EHBP1: variants seen among roughly 807,000 people sequenced by gnomAD.
The protein encoded by EHBP1 is EH domain binding protein 1.
A neutral mutation model predicts 144.0 loss-of-function variants in EHBP1; 55 were observed. That is an observed-to-expected ratio of 0.38 (90% confidence interval 0.31 to 0.48). EHBP1 has a LOEUF of 0.48. Among genes scored for constraint, EHBP1 ranks in the 20% least tolerant of loss-of-function variants. EHBP1 has a pLI of 0.98. For synonymous variants in EHBP1, 469 were observed against 472.7 expected (o/e 0.99, Z 0.10); for missense variants, 1,200 against 1,364.2 (o/e 0.88, Z 1.90).
chr2:62,901,975 AAAG>A (rs1333175683), intron 10 of EHBP1, among the ~76,000 whole-genome samples: 1 of 152,126 alleles, frequency 6.6e-6, no homozygotes, highest in Admixed American at 6.5e-5. Context: ...AAAAAAAAAA[AAAG>A]AAAATTCAGC....
chr2:62,691,903 C>G (rs972033775), intron 1 of EHBP1, among the ~76,000 whole-genome samples: 88 of 152,104 alleles, frequency 5.8e-4, no homozygotes, highest in Non-Finnish European at 2.8e-4. Context: ...TTCTTAATGG[C>G]TTTATTGAGA....
rs111735194 is a variant in EHBP1 at position 62,714,290 on chromosome 2, C to G, written c.104+6995C>G. Among the ~76,000 whole-genome samples, 1,388 of 152,254 alleles carry G rather than the reference C, an allele frequency of 9.1e-3. 8 individuals are homozygous for G. The highest frequency in any genetic ancestry group is 0.013 in the Non-Finnish European group (913 of 68,018). ...TTTAAGTCGTGGGAGTTACTTGCAG[C>G]TAGTGTTTAGGGAATACAGAGTCTA... On this transcript the variant is annotated intron_variant, in intron 2 of 22. Coordinates refer to ENST00000431489, the MANE Select transcript of EHBP1 (RefSeq NM_001142616.3).
chr2:62,717,716 T>A (rs76839583), intron 2 of EHBP1, among the ~76,000 whole-genome samples: 414 of 151,978 alleles, frequency 2.7e-3, no homozygotes, highest in African/African-American at 2.2e-3. Flanking sequence ...GTTTTTTTTT[T>A]AAAAAAAACC....
chr2:62,674,331 AGGCAATACTT>A (rs1342437229), intron 1 of EHBP1, among the ~76,000 whole-genome samples: 1 of 152,200 alleles, frequency 6.6e-6, no homozygotes, highest in African/African-American at 2.4e-5. Context: ...CCTGGCTGCT[AGGCAATACTT>A]GGCAATATTT....
At chr2:62,730,194 T>G (rs1256542118) in intron 2 of EHBP1, among the ~76,000 whole-genome samples, 3 of 152,052 alleles carry the variant, frequency 2.0e-5, no homozygotes, top group African/African-American at 7.2e-5. Context: ...CTGCCCCTAT[T>G]TCCCCCCACT....
At chr2:62,713,482 G>A (rs1459476762) in intron 2 of EHBP1, among the ~76,000 whole-genome samples, 2 of 152,094 alleles carry the variant, frequency 1.3e-5, no homozygotes, top group Non-Finnish European at 2.9e-5. Flanking sequence ...GTCCTCAAAT[G>A]ATCTGCCCAC....
At chr2:62,805,614 A>G (rs2044387154) in intron 5 of EHBP1, among the ~76,000 whole-genome samples, 2 of 152,114 alleles carry the variant, frequency 1.3e-5, no homozygotes, top group South Asian at 4.2e-4. Flanking sequence ...TCCAAGGTTC[A>G]GGCAATTCTC....
intron 14 of EHBP1, among the ~76,000 whole-genome samples, chr2:62,959,697 T>C (rs2057900493): frequency 6.6e-6 from 1 of 152,212 alleles, no homozygotes; most frequent in Non-Finnish European, 1.5e-5. Context: ...GAAATGTCTA[T>C]TCAAGTTCTT....
At chr2:62,687,057 T>C (rs1342963959) in intron 1 of EHBP1, among the ~76,000 whole-genome samples, 1 of 152,198 alleles carries the variant, frequency 6.6e-6, no homozygotes, top group Non-Finnish European at 1.5e-5. Context: ...AAGTCTACGC[T>C]CTTTCCACCA....
At position 62,949,138 on chromosome 2, in the gene EHBP1, A is replaced by G. The variant is rs749021578; in HGVS notation, c.2292A>G (p.Ala764=). Residue 764 remains alanine, a synonymous_variant, in exon 13 of 23, where the codon GCA becomes GCG. Coordinates refer to ENST00000431489, the MANE Select transcript of EHBP1 (RefSeq NM_001142616.3). ...CTGATAGAACCACTTTAAATCATGCAGATCATTCATCAAAAATAGTCCAGG... is the reference window on the plus strand; with the variant it reads ...CTGATAGAACCACTTTAAATCATGCGGATCATTCATCAAAAATAGTCCAGG... The part of the protein sequence containing the change: ...PDADRTTLNH[A]DHSSKIVQHR... 3 of 1,560,302 alleles carry G rather than the reference A, an allele frequency of 1.9e-6. No individual in the cohort carries two copies. Among genetic ancestry groups the G allele is most frequent in the Non-Finnish European group, 2.6e-6 (3 of 1,159,928 alleles).
At chr2:62,855,129 G>A (rs2048949922) in intron 7 of EHBP1, among the ~76,000 whole-genome samples, 1 of 152,192 alleles carries the variant, frequency 6.6e-6, no homozygotes, top group African/African-American at 2.4e-5. Flanking sequence ...TTGTGGGCCT[G>A]GGAAGGCTTC....
chr2:62,903,967 AG>A (rs1442047122), intron 10 of EHBP1, among the ~76,000 whole-genome samples: 2 of 152,210 alleles, frequency 1.3e-5, no homozygotes, highest in Non-Finnish European at 2.9e-5. Context: ...TTCCACCACC[AG>A]CACCACCAAA....
At chr2:62,778,145 C>G (rs536734030) in intron 5 of EHBP1, among the ~76,000 whole-genome samples, 1 of 152,278 alleles carries the variant, frequency 6.6e-6, no homozygotes, top group Non-Finnish European at 1.5e-5. Flanking sequence ...AAGTTCGGCT[C>G]CTCCAGGGCT....
At chr2:62,939,105 G>T (rs188032469) in intron 10 of EHBP1, among the ~76,000 whole-genome samples, 1 of 152,216 alleles carries the variant, frequency 6.6e-6, no homozygotes, top group African/African-American at 2.4e-5. Flanking sequence ...TAAAATTCTT[G>T]CTCTTGTGGA....
At chr2:63,040,155 T>C (rs141109494) in intron 21 of EHBP1, among the ~76,000 whole-genome samples, 12 of 150,044 alleles carry the variant, frequency 8.0e-5, no homozygotes, top group African/African-American at 2.9e-4. Context: ...TATATATATG[T>C]ATGTGTAATA....
chr2:62,716,500 G>C (rs1053073165), intron 2 of EHBP1, among the ~76,000 whole-genome samples: 2 of 152,198 alleles, frequency 1.3e-5, no homozygotes, highest in African/African-American at 2.4e-5. Context: ...AGGGCAGATT[G>C]GCTTTCCAAA....
chr2:62,882,312 A>C (rs1296559052), intron 10 of EHBP1, among the ~76,000 whole-genome samples: 2 of 152,166 alleles, frequency 1.3e-5, no homozygotes, highest in Admixed American at 6.5e-5. Context: ...CTAGAGAAAG[A>C]GGGAAAAATG....
At chr2:62,872,759 C>A (rs1402141862) in intron 9 of EHBP1, among the ~76,000 whole-genome samples, 1 of 152,128 alleles carries the variant, frequency 6.6e-6, no homozygotes, top group Non-Finnish European at 1.5e-5. Context: ...CCAATTCCCC[C>A]ACTTCCTTCA....
intron 14 of EHBP1, among the ~76,000 whole-genome samples, chr2:62,957,641 CTTTTTTTT>C (rs1157397512): frequency 2.3e-5 from 2 of 87,174 alleles, no homozygotes; most frequent in South Asian, 4.8e-4. Context: ...AAAATAAATG[CTTTTTTTT>C]TTTTTTTTTT....
Sources: gnomAD v4.1 joint callset for allele counts (sites outside exome capture counted in the v4.1 genomes callset) on GRCh38, gnomAD v4.1.1 for gene constraint, MANE v1.5 for transcripts, NCBI Gene and HGNC (gene_info 2026-07-23, HGNC 2026-07-21) for gene names.